Variants in PTPN11 observed in about 807,000 individuals in gnomAD.
The protein encoded by PTPN11 is tyrosine-protein phosphatase non-receptor type 11.
PTPN11 carries 6 observed loss-of-function variants against 78.8 expected under a neutral mutation model. The observed-to-expected ratio is 0.08, with a 90% confidence interval of 0.04 to 0.15. PTPN11 has a LOEUF of 0.15. Ranked by LOEUF, PTPN11 falls within the 10% of genes least tolerant of loss-of-function variation. The pLI, the probability that PTPN11 is intolerant of heterozygous loss-of-function variation, is 1.00. For synonymous variants in PTPN11, 221 were observed against 263.5 expected (o/e 0.84, Z 1.56); for missense variants, 386 against 744.8 (o/e 0.52, Z 5.61).
intron 11 of PTPN11, among the ~76,000 whole-genome samples, chr12:112,487,985 T>C (rs1051384992): frequency 6.6e-6 from 1 of 152,142 alleles, no homozygotes; most frequent in African/African-American, 2.4e-5. Flanking sequence ...GGTTTTGCTA[T>C]GTTGGCCAGG....
intron 1 of PTPN11, among the ~76,000 whole-genome samples, chr12:112,429,697 G>T (rs1396828458): frequency 6.6e-6 from 1 of 151,114 alleles, no homozygotes; most frequent in Non-Finnish European, 1.5e-5. Flanking sequence ...CCAGCTACGT[G>T]GGAGGCTGAA....
chr12:112,507,211 G>A lies in PTPN11; in HGVS notation c.*1419G>A, dbSNP rs1435419771. The A allele has an allele frequency of 2.0e-5, 3 of 152,812 alleles. No individual in the cohort carries two copies. Among genetic ancestry groups the A allele is most frequent in the Middle Eastern group, 3.4e-3 (1 of 294 alleles). The allele number at this position is 152,812 out of a possible 1,614,324, so 9.5% of individuals were successfully genotyped here. A position where few individuals can be genotyped will look rare whatever the true frequency, so the allele number is the denominator to read the frequency against. ...TGGGAAGCCGAAGCTGCTTACAGTA[G>A]CTGGGACAAGCTGAAAGTCAGACTA... On this transcript the variant is annotated 3_prime_UTR_variant, in exon 16 of 16. Coordinates refer to ENST00000351677, the MANE Select transcript of PTPN11 (RefSeq NM_002834.5).
At chr12:112,442,875 T>TAA (rs2037927282) in intron 1 of PTPN11, among the ~76,000 whole-genome samples, 1 of 74,890 alleles carries the variant, frequency 1.3e-5, no homozygotes, top group Non-Finnish European at 2.5e-5. Context: ...TATATATATA[T>TAA]ATAAATTATA....
chr12:112,467,056 G>T (rs1028741305), intron 6 of PTPN11, among the ~76,000 whole-genome samples: 1 of 152,126 alleles, frequency 6.6e-6, no homozygotes, highest in Non-Finnish European at 1.5e-5. Flanking sequence ...GTTGGCAGGG[G>T]TCTGGGCTGG....
intron 1 of PTPN11, among the ~76,000 whole-genome samples, chr12:112,443,333 C>T (rs1040990283): frequency 6.6e-6 from 1 of 151,396 alleles, no homozygotes; most frequent in South Asian, 2.1e-4. Context: ...CTTTGCATCC[C>T]GCCAAACTCC....
At chr12:112,429,527 C>T (rs1385750857) in intron 1 of PTPN11, among the ~76,000 whole-genome samples, 5 of 138,650 alleles carry the variant, frequency 3.6e-5, no homozygotes, top group African/African-American at 8.2e-5. Flanking sequence ...GTGGGCCAGG[C>T]GCAGTGGCTC....
chr12:112,474,950 A>G (rs1309016967), intron 7 of PTPN11, among the ~76,000 whole-genome samples: 1 of 151,924 alleles, frequency 6.6e-6, no homozygotes, highest in Non-Finnish European at 1.5e-5. Context: ...GTAACACCCA[A>G]ATGCCACCAG....
chr12:112,439,036 T>C (rs1477174613), intron 1 of PTPN11, among the ~76,000 whole-genome samples: 1 of 152,208 alleles, frequency 6.6e-6, no homozygotes, highest in East Asian at 1.9e-4. Context: ...TTCTAGATAC[T>C]TTATAAATAT....
rs552427155 is a variant in PTPN11, at chr12:112,441,027, C to T, written c.15-5249C>T. Among the ~76,000 whole-genome samples, 24 of 135,760 alleles carry T rather than the reference C, an allele frequency of 1.8e-4. No individual in the cohort carries two copies. The East Asian group carries it at 2.9e-3, about 17-fold the overall frequency. The allele number at this position is 135,760 out of a possible 152,430, so 89.1% of individuals were successfully genotyped here. ...TGCCCAGGCTAGAGTGCAGTGGTGGCGATCTTGGCTCACCGCACCCTCCGC... is the reference window on the plus strand; with the variant it reads ...TGCCCAGGCTAGAGTGCAGTGGTGGTGATCTTGGCTCACCGCACCCTCCGC... On this transcript the variant is annotated intron_variant, in intron 1 of 15. Transcript: ENST00000351677.
chr12:112,458,293 G>A (rs1211126662), intron 6 of PTPN11, among the ~76,000 whole-genome samples: 4 of 152,164 alleles, frequency 2.6e-5, no homozygotes, highest in East Asian at 1.9e-4. Flanking sequence ...TCACTGCAGC[G>A]TCCAACTTCT....
At position 112,485,840 on chromosome 12, in the gene PTPN11, G is replaced by A. The variant is rs899016784; in HGVS notation, c.1225-635G>A. Among the ~76,000 whole-genome samples, 13 of 152,228 alleles carry A rather than the reference G, an allele frequency of 8.5e-5. 1 individual carries two copies. In the South Asian group the frequency reaches 1.9e-3, roughly 22 times the overall value. ...TACTAAAAATACAAAAATTAGCCAG[G>A]CATGGTGATGTGTGCCTGTAATCCC... On this transcript the variant is annotated intron_variant, in intron 10 of 15. Coordinates refer to ENST00000351677, the MANE Select transcript of PTPN11 (RefSeq NM_002834.5).
At chr12:112,419,574 T>C (rs1360318730) in intron 1 of PTPN11, among the ~76,000 whole-genome samples, 1 of 152,236 alleles carries the variant, frequency 6.6e-6, no homozygotes, top group Non-Finnish European at 1.5e-5. Context: ...TCGTTCTGGC[T>C]CACTGTGCCA....
chr12:112,444,403 A>G (rs1433132498), intron 1 of PTPN11, among the ~76,000 whole-genome samples: 6 of 151,156 alleles, frequency 4.0e-5, no homozygotes, highest in Admixed American at 1.3e-4. Context: ...GTGTAGTGGC[A>G]CGATCTTGGC....
At chr12:112,437,389 G>C (rs183012559) in intron 1 of PTPN11, among the ~76,000 whole-genome samples, 1 of 151,992 alleles carries the variant, frequency 6.6e-6, no homozygotes, top group Non-Finnish European at 1.5e-5. Context: ...TCGAACTCCT[G>C]ACCTTAAGTG....
chr12:112,436,649 A>C (rs1475424224), intron 1 of PTPN11, among the ~76,000 whole-genome samples: 1 of 152,154 alleles, frequency 6.6e-6, no homozygotes, highest in Non-Finnish European at 1.5e-5. Flanking sequence ...ATCCAGATTT[A>C]ATAGTATGTC....
Position 112,443,314 on chromosome 12 carries a change from A to G in PTPN11, c.15-2962A>G, listed in dbSNP as rs182488474. Among the ~76,000 whole-genome samples the G allele has an allele frequency of 8.0e-5, 12 of 150,040 alleles. 1 individual carries two copies. The highest frequency in any genetic ancestry group is 8.0e-4 in the Admixed American group (12 of 15,058). On this transcript the variant is annotated intron_variant, in intron 1 of 15. Transcript: ENST00000351677. ...TAAGTCTTGTTACTGGCCTTTAATT[A>G]GGATATTTCTTTGCATCCCGCCAAA...
chr12:112,473,128 C>T, intron 7 of PTPN11, 88 bp downstream of exon 7: 1 of 1,074,844 alleles, frequency 9.3e-7, no homozygotes, highest in Non-Finnish European at 1.4e-6. Context: ...GTCGTGTGCT[C>T]TTGTTAGCAC....
intron 6 of PTPN11, among the ~76,000 whole-genome samples, chr12:112,468,489 T>C (rs1258273984): frequency 2.6e-5 from 4 of 152,184 alleles, no homozygotes; most frequent in African/African-American, 7.2e-5. Flanking sequence ...CATCTTCTGC[T>C]ATGGGAAATG....
chr12:112,479,026 G>A (rs958254359), intron 9 of PTPN11, among the ~76,000 whole-genome samples: 1 of 152,180 alleles, frequency 6.6e-6, no homozygotes, highest in East Asian at 1.9e-4. Context: ...GAGCCACCAT[G>A]CCTGGCCATG....
Sources: gnomAD v4.1 joint callset for allele counts (sites outside exome capture counted in the v4.1 genomes callset) on GRCh38, gnomAD v4.1.1 for gene constraint, MANE v1.5 for transcripts, NCBI Gene and HGNC (gene_info 2026-07-23, HGNC 2026-07-21) for gene names.